NAP1L4: variants seen among roughly 807,000 people sequenced by gnomAD.
The protein encoded by NAP1L4 is nucleosome assembly protein 1 like 4, also known as nucleosome assembly protein 1-like 4.
In NAP1L4, 15 loss-of-function variants were observed where a neutral mutation model predicts 58.2. The ratio of observed to expected loss-of-function variants is 0.26; its 90% CI spans 0.17 to 0.40. NAP1L4 has a LOEUF of 0.40. Among genes scored for constraint, NAP1L4 ranks in the 10% least tolerant of loss-of-function variants. NAP1L4 has a pLI of 1.00. For synonymous variants in NAP1L4, 171 were observed against 155.6 expected (o/e 1.10, Z -0.74); for missense variants, 384 against 451.1 (o/e 0.85, Z 1.35).
Position 2,945,574 on chromosome 11 carries a change from G to A in NAP1L4, c.*105C>T, listed in dbSNP as rs1351727179. 1.3e-6 allele frequency: 2 copies of A among 1,534,020 alleles called. No homozygotes were observed. The highest frequency in any genetic ancestry group is 1.7e-6 in the Non-Finnish European group (2 of 1,145,326). ...GCCCCGCCCACAGGCCTGGAGTCCC[G>A]ACAGCCGGTCTGCCAGGCACCCGCC... On this transcript the variant is annotated 3_prime_UTR_variant, in exon 16 of 16. Transcript: ENST00000380542.
intron 1 of NAP1L4, among the ~76,000 whole-genome samples, chr11:2,980,144 G>A (rs138196910): frequency 2.0e-5 from 3 of 152,160 alleles, no homozygotes; most frequent in African/African-American, 7.2e-5. Flanking sequence ...TGTGTTCTAG[G>A]GCATTTACTT....
chr11:2,967,839 G>A (rs1346327212), intron 7 of NAP1L4, among the ~76,000 whole-genome samples: 1 of 152,122 alleles, frequency 6.6e-6, no homozygotes, highest in Non-Finnish European at 1.5e-5. Context: ...CAGAGGTGCT[G>A]GGAGAATGAG....
Position 2,954,686 on chromosome 11 carries a change from G to A in NAP1L4, c.916-40C>T, listed in dbSNP as rs545418898. 1 of 1,613,534 alleles carries A rather than the reference G, an allele frequency of 6.2e-7. No homozygotes were observed. The highest frequency in any genetic ancestry group is 2.2e-5 in the East Asian group (1 of 44,878). On this transcript the variant is annotated intron_variant, in intron 11 of 15. Coordinates refer to ENST00000380542, the MANE Select transcript of NAP1L4 (RefSeq NM_005969.4). This position sits in a 1 kb window ranked among gnomAD's most constrained non-coding sequence, Gnocchi z 4.8. ...CCTACGTGTTAACTCATTTTAATGG[G>A]ATAAAAACATTCACTTCACCACCCT...
At position 2,948,911 on chromosome 11, in the gene NAP1L4, G is replaced by A. The variant is rs543482914; in HGVS notation, c.*32+316C>T. On this transcript the variant is annotated intron_variant, in intron 15 of 15. Transcript: ENST00000380542. This position sits in a 1 kb window ranked among gnomAD's most constrained non-coding sequence, Gnocchi z 5.1. Reference sequence around the variant, plus strand: ...AAGGACTGCTTGCTTATGGTGGCCCGTGTGTGCCACCGTGCAGACTGCTGA... The same window carrying A: ...AAGGACTGCTTGCTTATGGTGGCCCATGTGTGCCACCGTGCAGACTGCTGA... Among the ~76,000 whole-genome samples the A allele has an allele frequency of 2.0e-3, 310 of 152,320 alleles. 1 individual carries two copies. Among genetic ancestry groups the A allele is most frequent in the Non-Finnish European group, 2.2e-3 (148 of 68,036 alleles).
At position 2,959,764 on chromosome 11, in the gene NAP1L4, T is replaced by C. The variant is rs1846747472; in HGVS notation, c.746+6A>G. The C allele has an allele frequency of 6.2e-7, 1 of 1,610,052 alleles. No individual in the cohort carries two copies. The highest frequency in any genetic ancestry group is 1.3e-5 in the African/African-American group (1 of 74,738). ...AGAAAAACAAGGTAGAATGACATTT[T>C]CTTACCCGTCACAGTCCACAATCTC... On this transcript the variant is annotated splice_donor_region_variant and intron_variant, in intron 9 of 15. Coordinates refer to ENST00000380542, the MANE Select transcript of NAP1L4 (RefSeq NM_005969.4). This position sits in a 1 kb window ranked among gnomAD's most constrained non-coding sequence, Gnocchi z 4.9.
In NAP1L4 at chr11:2,948,252, C is replaced by G. The variant is rs1846042378; in HGVS notation, c.*32+975G>C. On this transcript the variant is annotated intron_variant, in intron 15 of 15. Transcript: ENST00000380542. The surrounding 1 kb of genome is among the most constrained non-coding windows in gnomAD (Gnocchi z 5.1). ...ATGTACCATCAGTTTCCCATGAAAG[C>G]AGCCTACATGAGGAAGACAGGGAGG... Among the ~76,000 whole-genome samples the G allele has an allele frequency of 6.6e-6, 1 of 152,198 alleles. No individual in the cohort carries two copies. The highest frequency in any genetic ancestry group is 1.5e-5 in the Non-Finnish European group (1 of 68,046).
At chr11:2,947,425 T>G (rs1845993571) in intron 15 of NAP1L4, among the ~76,000 whole-genome samples, 1 of 152,190 alleles carries the variant, frequency 6.6e-6, no homozygotes, top group Non-Finnish European at 1.5e-5. Flanking sequence ...TGCACCTGAC[T>G]CTGGGAAGAG....
chr11:2,963,706 T>C (rs1412523267), intron 8 of NAP1L4: 32 of 514,946 alleles, frequency 6.2e-5, no homozygotes, highest in Admixed American at 6.0e-4. Context: ...TACTGGTGAC[T>C]GGCCCCAGGC....
At chr11:2,966,936 C>T (rs1847315608) in intron 7 of NAP1L4, among the ~76,000 whole-genome samples, 1 of 152,164 alleles carries the variant, frequency 6.6e-6, no homozygotes, top group Admixed American at 6.5e-5. Context: ...AGGTAATGCC[C>T]CACACTGGCA....
chr11:2,990,860 T>C (rs1223440538), intron 1 of NAP1L4: 2 of 305,060 alleles, frequency 6.6e-6, no homozygotes, highest in Non-Finnish European at 1.3e-5. Flanking sequence ...ATTAGTCATT[T>C]AGAGGTATAG....
At chr11:2,957,003 T>C (rs958959515) in intron 10 of NAP1L4, among the ~76,000 whole-genome samples, 4 of 152,166 alleles carry the variant, frequency 2.6e-5, no homozygotes, top group African/African-American at 9.7e-5. Flanking sequence ...ACACTCTAAA[T>C]GTACAACTTT....
Position 2,956,628 on chromosome 11 carries a change from AGCCTCGGTGT to A in NAP1L4, c.893-872_893-863del, listed in dbSNP as rs1406399917. Among the ~76,000 whole-genome samples the A allele has an allele frequency of 2.0e-5, 3 of 152,088 alleles. No individual in the cohort carries two copies. The South Asian group carries it at 6.2e-4, about 31-fold the overall frequency. On this transcript the variant is annotated intron_variant, in intron 10 of 15. Transcript: ENST00000380542. The stretch of plus-strand genomic sequence containing the variant: ...ACCCATGAGTGAGGCAGAGTTCCCA[AGCCTCGGTGT>A]GCCAGCATCACCCAGGGGTTTTAGA...
rs1845925798 is a variant in NAP1L4, at chr11:2,946,079, ATC to A, written c.*33-435_*33-434del. Among the ~76,000 whole-genome samples the A allele has an allele frequency of 6.6e-6, 1 of 152,198 alleles. No individual in the cohort carries two copies. Among genetic ancestry groups the A allele is most frequent in the Admixed American group, 6.5e-5 (1 of 15,286 alleles). On this transcript the variant is annotated intron_variant, in intron 15 of 15. Coordinates refer to ENST00000380542, the MANE Select transcript of NAP1L4 (RefSeq NM_005969.4). This position sits in a 1 kb window ranked among gnomAD's most constrained non-coding sequence, Gnocchi z 4.8. Reference sequence around the variant, plus strand: ...AACAGTCCCCACTTCTCAAGGGCACATCTGTCTGGGGGTAGGCTGGGCCCTTG... The same window carrying A: ...AACAGTCCCCACTTCTCAAGGGCACATGTCTGGGGGTAGGCTGGGCCCTTG...
At chr11:2,970,443 C>A (rs546191782) in intron 6 of NAP1L4, among the ~76,000 whole-genome samples, 2 of 151,984 alleles carry the variant, frequency 1.3e-5, no homozygotes, top group African/African-American at 4.8e-5. Flanking sequence ...AAAAAATTGC[C>A]GCAGCAGTAT....
Position 2,964,739 on chromosome 11 carries a change from G to A in NAP1L4, c.547C>T (p.Pro183Ser). Reference sequence around the variant, plus strand: ...ATATCCTGCAGGTGTTTCAAGATTGGTTCATCATATTCCTAATCAAAAAGA... The same window carrying A: ...ATATCCTGCAGGTGTTTCAAGATTGATTCATCATATTCCTAATCAAAAAGA... The part of the protein sequence containing the change: ...LSELVQEYDE[P>S]ILKHLQDIKV... Residue 183 changes from proline to serine, a missense_variant, in exon 8 of 16, where the codon CCA becomes TCA. Transcript: ENST00000380542. 6.2e-7 allele frequency: 1 copy of A among 1,613,140 alleles called. No individual in the cohort carries two copies. Among genetic ancestry groups the A allele is most frequent in the Non-Finnish European group, 8.5e-7 (1 of 1,179,348 alleles).
rs776280292 is a variant in NAP1L4, at chr11:2,957,076, TA to T, written c.893-1311del. On this transcript the variant is annotated intron_variant, in intron 10 of 15. Transcript: ENST00000380542. ...ATCATACCCTAAAAGTTTTAGAATC[TA>T]AAAAAAAAAACACTTAAAAATTCCC... 3.2e-3 allele frequency among the ~76,000 whole-genome samples: 462 copies of T among 144,888 alleles called. 4 individuals are homozygous for T. The East Asian group carries it at 0.044, about 14-fold the overall frequency.
intron 10 of NAP1L4, chr11:2,958,177 G>A: frequency 1.5e-6 from 1 of 686,788 alleles, no homozygotes; most frequent in Non-Finnish European, 2.7e-6. Flanking sequence ...TCCCTTTCCT[G>A]CAGAAGATGA....
chr11:2,990,680 G>C (rs1848910016), intron 1 of NAP1L4: 1 of 156,058 alleles, frequency 6.4e-6, no homozygotes, highest in Non-Finnish European at 1.4e-5. Flanking sequence ...AAACTGCCTG[G>C]GTCTTTAAGC....
At position 2,971,297 on chromosome 11, in the gene NAP1L4, A is replaced by G. The variant is rs145099064; in HGVS notation, c.402+151T>C. On this transcript the variant is annotated intron_variant, in intron 6 of 15. Coordinates refer to ENST00000380542, the MANE Select transcript of NAP1L4 (RefSeq NM_005969.4). This position sits in a 1 kb window ranked among gnomAD's most constrained non-coding sequence, Gnocchi z 4.2. The stretch of plus-strand genomic sequence containing the variant: ...CAGTACTGTGTCAGATGCTAGATCC[A>G]TATCAGAAAGGAATCTAAACCCAAC... 724 of 632,400 alleles carry G rather than the reference A, an allele frequency of 1.1e-3. 1 individual carries two copies. The highest frequency in any genetic ancestry group is 1.7e-3 in the Non-Finnish European group (604 of 363,596). 39.2% of individuals were successfully genotyped at this position (632,400 alleles called of 1,614,324 possible). A position where few individuals can be genotyped will look rare whatever the true frequency, so the allele number is the denominator to read the frequency against.
Sources: gnomAD v4.1 joint callset for allele counts (sites outside exome capture counted in the v4.1 genomes callset) on GRCh38, gnomAD v4.1.1 for gene constraint, Gnocchi (gnomAD v3.1) non-coding constraint, MANE v1.5 for transcripts, NCBI Gene and HGNC (gene_info 2026-07-23, HGNC 2026-07-21) for gene names.